ARID1B: variants seen among roughly 807,000 people sequenced by gnomAD.
The protein encoded by ARID1B is AT-rich interaction domain 1B.
In ARID1B, 30 loss-of-function variants were observed where a neutral mutation model predicts 212.3. The ratio of observed to expected loss-of-function variants is 0.14; its 90% CI spans 0.11 to 0.19. The LOEUF is 0.19. Among genes scored for constraint, ARID1B ranks in the 10% least tolerant of loss-of-function variants. ARID1B has a pLI of 1.00. For missense variants in ARID1B, 2,891 were observed against 3,204.0 expected (o/e 0.90, Z 2.36); for synonymous variants, 1,402 against 1,301.7 (o/e 1.08, Z -1.66).
At chr6:157,154,568 G>GTTTTT (rs770934447) in intron 8 of ARID1B, among the ~76,000 whole-genome samples, 6 of 118,520 alleles carry the variant, frequency 5.1e-5, no homozygotes, top group East Asian at 4.9e-4. Context: ...CTGCTCTTCT[G>GTTTTT]TTTTTTTTTT....
In ARID1B at chr6:156,829,644, G is replaced by A. The variant is rs1011793095; in HGVS notation, c.1986+223G>A. The A allele has an allele frequency of 7.9e-6, 4 of 507,672 alleles. No homozygotes were observed. The Admixed American group carries it at 1.1e-4, about 14-fold the overall frequency. 31.4% of individuals were successfully genotyped at this position (507,672 alleles called of 1,614,324 possible). On this transcript the variant is annotated intron_variant, in intron 2 of 19. Transcript: ENST00000636930. Reference sequence around the variant, plus strand: ...AGAATACCTGTTTGGTAGAAGGGCAGCAGGACCAGCTGTATTTGATAGGTG... The same window carrying A: ...AGAATACCTGTTTGGTAGAAGGGCAACAGGACCAGCTGTATTTGATAGGTG...
chr6:156,986,334 A>G (rs944153735), intron 4 of ARID1B, among the ~76,000 whole-genome samples: 6 of 152,250 alleles, frequency 3.9e-5, no homozygotes, highest in African/African-American at 1.2e-4. Flanking sequence ...GCTAATTGTT[A>G]TTAAATACAA....
At chr6:156,981,097 G>T (rs1366551971) in intron 4 of ARID1B, among the ~76,000 whole-genome samples, 1 of 152,154 alleles carries the variant, frequency 6.6e-6, no homozygotes, top group Non-Finnish European at 1.5e-5. Flanking sequence ...GAGACTTGTA[G>T]CCACTGTCCT....
intron 6 of ARID1B, among the ~76,000 whole-genome samples, chr6:157,122,960 G>C (rs1261044184): frequency 6.6e-6 from 1 of 152,166 alleles, no homozygotes; most frequent in African/African-American, 2.4e-5. Context: ...GGGATTACAG[G>C]CATGAGCCAC....
At chr6:156,921,438 AACACAC>A (rs10560265) in intron 3 of ARID1B, among the ~76,000 whole-genome samples, 44,926 of 135,670 alleles carry the variant, frequency 0.33, 7,924 homozygotes, top group Non-Finnish European at 0.41. Context: ...TTGATGGGAA[AACACAC>A]ACACACACAC....
At chr6:156,885,670 A>AAATTGTTG (rs1345105227) in intron 2 of ARID1B, among the ~76,000 whole-genome samples, 1 of 152,196 alleles carries the variant, frequency 6.6e-6, no homozygotes. Context: ...TTTTTGTATG[A>AAATTGTTG]ACATTTACTT....
At chr6:156,935,893 C>T (rs944039413) in intron 4 of ARID1B, 21 of 274,586 alleles carry the variant, frequency 7.6e-5, no homozygotes, top group African/African-American at 2.7e-4. Flanking sequence ...TTTTTGGCAG[C>T]GATACAGAAC....
At chr6:157,075,418 C>T (rs1448773833) in intron 4 of ARID1B, among the ~76,000 whole-genome samples, 2 of 152,120 alleles carry the variant, frequency 1.3e-5, no homozygotes, top group African/African-American at 4.8e-5. Context: ...TGAAAATTTT[C>T]TACTAGGATA....
intron 1 of ARID1B, among the ~76,000 whole-genome samples, chr6:156,801,815 G>A (rs1437469654): frequency 6.6e-6 from 1 of 152,044 alleles, no homozygotes; most frequent in Non-Finnish European, 1.5e-5. Context: ...CTTCCACGAT[G>A]TTTGAAGGAA....
chr6:156,840,523 A>G (rs527261492), intron 2 of ARID1B, among the ~76,000 whole-genome samples: 1 of 152,332 alleles, frequency 6.6e-6, no homozygotes, highest in East Asian at 1.9e-4. Context: ...GACTCTGGCC[A>G]GTGAAATCTG....
At position 156,926,548 on chromosome 6, in the gene ARID1B, A is replaced by G. The variant is rs202079753; in HGVS notation, c.2137-8918A>G. 5.9e-5 allele frequency among the ~76,000 whole-genome samples: 9 copies of G among 152,286 alleles called. No homozygotes were observed. The East Asian group carries it at 1.5e-3, about 26-fold the overall frequency. On this transcript the variant is annotated intron_variant, in intron 3 of 19. Coordinates refer to ENST00000636930, the MANE Select transcript of ARID1B (RefSeq NM_001374828.1). ...TTCATTCAGTTTCCTTTAAAAGGAA[A>G]TTTCCAAATGTAAACAGAAGTAGAT...
At chr6:156,856,130 C>T (rs547230837) in intron 2 of ARID1B, among the ~76,000 whole-genome samples, 39 of 152,284 alleles carry the variant, frequency 2.6e-4, no homozygotes, top group Non-Finnish European at 5.4e-4. Context: ...GGTCTTAGAG[C>T]AGTGCCTGGA....
At chr6:157,040,357 A>G (rs753358839) in intron 4 of ARID1B, among the ~76,000 whole-genome samples, 4 of 152,198 alleles carry the variant, frequency 2.6e-5, no homozygotes, top group Non-Finnish European at 4.4e-5. Context: ...TGTCTAAGTC[A>G]CTGTGGTAAC....
chr6:156,818,837 T>C (rs1325079497), intron 1 of ARID1B, among the ~76,000 whole-genome samples: 2 of 152,198 alleles, frequency 1.3e-5, no homozygotes, highest in African/African-American at 2.4e-5. Flanking sequence ...ATTAGCAATG[T>C]CTGTCTTCTG....
At chr6:157,035,957 G>A (rs2207227) in intron 4 of ARID1B, among the ~76,000 whole-genome samples, 53,423 of 152,012 alleles carry the variant, frequency 0.35, 9,864 homozygotes, top group African/African-American at 0.46. Context: ...ATAGGCCTAT[G>A]TGCCTTCTAC....
chr6:156,806,922 G>A (rs140435580), intron 1 of ARID1B, among the ~76,000 whole-genome samples: 2 of 152,336 alleles, frequency 1.3e-5, no homozygotes, highest in African/African-American at 4.8e-5. Context: ...TGCCAGAAAA[G>A]CTATGGATGC....
At chr6:156,929,647 C>T (rs1274781954) in intron 3 of ARID1B, among the ~76,000 whole-genome samples, 1 of 152,234 alleles carries the variant, frequency 6.6e-6, no homozygotes, top group Non-Finnish European at 1.5e-5. Context: ...CTCTTCCTAG[C>T]ATATCTATAC....
At chr6:156,828,716 A>T (rs776007935) in intron 1 of ARID1B, among the ~76,000 whole-genome samples, 1 of 152,254 alleles carries the variant, frequency 6.6e-6, no homozygotes, top group African/African-American at 2.4e-5. Context: ...GGACATATGC[A>T]TGATCTAAAA....
At chr6:157,156,140 GT>G (rs1790560382) in intron 8 of ARID1B, among the ~76,000 whole-genome samples, 1 of 152,204 alleles carries the variant, frequency 6.6e-6, no homozygotes, top group Admixed American at 6.5e-5. Flanking sequence ...TCAAGCCCCA[GT>G]TGTAGTGGGG....
Sources: gnomAD v4.1 joint callset for allele counts (sites outside exome capture counted in the v4.1 genomes callset) on GRCh38, gnomAD v4.1.1 for gene constraint, MANE v1.5 for transcripts, NCBI Gene and HGNC (gene_info 2026-07-23, HGNC 2026-07-21) for gene names.